ZNF37A: variants seen among roughly 807,000 people sequenced by gnomAD.
ZNF37A encodes zinc finger protein 37A.
Under a neutral mutation model 12.3 loss-of-function variants are expected in ZNF37A, and 10 were observed. That is an observed-to-expected ratio of 0.82 (90% CI 0.50 to 1.38). ZNF37A has a LOEUF of 1.38. Among genes scored for constraint, ZNF37A ranks in the 40% most tolerant of loss-of-function variants. The pLI, the probability that ZNF37A is intolerant of heterozygous loss-of-function variation, is 0.00. For synonymous variants in ZNF37A, 207 were observed against 223.0 expected (o/e 0.93, Z 0.64); for missense variants, 580 against 651.2 (o/e 0.89, Z 1.19).
chr10:38,109,981 GA>G (rs544550132), intron 5 of ZNF37A, among the ~76,000 whole-genome samples: 4 of 152,046 alleles, frequency 2.6e-5, no homozygotes, highest in African/African-American at 9.7e-5. Flanking sequence ...CACAGAATTA[GA>G]AAAAAACTAC....
At chr10:38,145,801 G>A (rs1239728975) in intron 7 of ZNF37A, among the ~76,000 whole-genome samples, 1 of 152,152 alleles carries the variant, frequency 6.6e-6, no homozygotes, top group Non-Finnish European at 1.5e-5. Flanking sequence ...CTCAAGAGGA[G>A]ACTAAAGACT....
chr10:38,150,086 TTTC>T (rs1209576402), exon 8 of ZNF37A: 6 of 152,302 alleles, frequency 3.9e-5, no homozygotes, highest in Non-Finnish European at 8.8e-5. Flanking sequence ...CACTTGCAAG[TTTC>T]TTCTTGTCTG....
chr10:38,145,263 A>G (rs1236933761), intron 7 of ZNF37A, among the ~76,000 whole-genome samples: 2 of 152,222 alleles, frequency 1.3e-5, no homozygotes, highest in Non-Finnish European at 2.9e-5. Flanking sequence ...CTATGGAAAT[A>G]GTTTTGACTC....
At position 38,117,306 on chromosome 10, in the gene ZNF37A, G is replaced by A. The variant is rs374788696; in HGVS notation, c.239-84G>A. The A allele has an allele frequency of 2.0e-5, 30 of 1,513,472 alleles. No individual in the cohort carries two copies. In the Admixed American group the frequency reaches 3.3e-4, roughly 17 times the overall value. The allele number at this position is 1,513,472 out of a possible 1,614,324, so 93.8% of individuals were successfully genotyped here. ...GTATGAGGAGATAATGGCCTAAACT[G>A]AGCCATGCCTTCAAATATAATGCTA... is the stretch of plus-strand genomic sequence containing the variant. On this transcript the variant is annotated intron_variant, in intron 7 of 7. Transcript: ENST00000685332.
rs1554926347 is a variant in ZNF37A, at chr10:38,105,007, C to CTTTCT, written c.15+8378_15+8379insCTTTT. Among the ~76,000 whole-genome samples the CTTTCT allele has an allele frequency of 5.5e-3, 770 of 139,578 alleles. 5 individuals carry two copies. Among genetic ancestry groups the CTTTCT allele is most frequent in the Middle Eastern group, 0.015 (4 of 266 alleles). The allele number at this position is 139,578 out of a possible 152,430, so 91.6% of individuals were successfully genotyped here. A position where few individuals can be genotyped will look rare whatever the true frequency, so the allele number is the denominator to read the frequency against. On this transcript the variant is annotated intron_variant, in intron 5 of 7. Coordinates refer to ENST00000685332, the MANE Select transcript of ZNF37A (RefSeq NM_001324250.3). ...TCCCTGTTTGCATCCAATATTTTTT[C>CTTTCT]TTTTTTTTTTTTTTTGAGATGGAGT...
In ZNF37A at chr10:38,094,472, C is replaced by T. The variant is rs1382452997; in HGVS notation, c.-510C>T. 1.3e-5 allele frequency: 2 copies of T among 151,162 alleles called. No homozygotes were observed. The highest frequency in any genetic ancestry group is 2.4e-5 in the African/African-American group (1 of 41,264). 9.4% of individuals were successfully genotyped at this position (151,162 alleles called of 1,614,324 possible). ...AGGGCTCCCGGCATCTCCTGGCGTC[C>T]GGGTAGAGGACGCGGAGGGTGAGTA... On this transcript the variant is annotated 5_prime_UTR_variant, in exon 1 of 8. Coordinates refer to ENST00000685332, the MANE Select transcript of ZNF37A (RefSeq NM_001324250.3).
chr10:38,098,182 T>C (rs2067298035), intron 5 of ZNF37A, among the ~76,000 whole-genome samples: 2 of 152,250 alleles, frequency 1.3e-5, no homozygotes, highest in Non-Finnish European at 2.9e-5. Flanking sequence ...TATTCTATTA[T>C]ATGGATATAC....
rs1440754313 is a variant in ZNF37A at position 38,119,828 on chromosome 10, G to GC, written c.*994dup. 1 of 152,144 alleles carries GC rather than the reference G, an allele frequency of 6.6e-6. No homozygotes were observed. The highest frequency in any genetic ancestry group is 2.4e-5 in the African/African-American group (1 of 41,432). 9.4% of individuals were successfully genotyped at this position (152,144 alleles called of 1,614,324 possible). On this transcript the variant is annotated 3_prime_UTR_variant, in exon 8 of 8. Coordinates refer to ENST00000685332, the MANE Select transcript of ZNF37A (RefSeq NM_001324250.3). The stretch of plus-strand genomic sequence containing the variant: ...ATCAATCAGGGGCCATAGTACAGGA[G>GC]CCCACCAGCAGGATTTTTGAATAAT...
chr10:38,128,235 A>G (rs1316513330), downstream of ZNF37A, among the ~76,000 whole-genome samples: 1 of 152,202 alleles, frequency 6.6e-6, no homozygotes, highest in Non-Finnish European at 1.5e-5. Context: ...GAGGGGGTTA[A>G]TATAATAGGA....
At chr10:38,102,063 C>G (rs530013876) in intron 5 of ZNF37A, among the ~76,000 whole-genome samples, 87 of 152,140 alleles carry the variant, frequency 5.7e-4, no homozygotes, top group African/African-American at 2.1e-3. Context: ...TCTCAAACTC[C>G]TGACCTCGTG....
intron 5 of ZNF37A, among the ~76,000 whole-genome samples, chr10:38,100,481 C>G (rs769330843): frequency 2.6e-5 from 4 of 152,168 alleles, no homozygotes; most frequent in Non-Finnish European, 5.9e-5. Flanking sequence ...TTCCCCCAGG[C>G]TTGTATTCTG....
At chr10:38,097,805 A>G (rs1189370421) in intron 5 of ZNF37A, among the ~76,000 whole-genome samples, 2 of 152,094 alleles carry the variant, frequency 1.3e-5, no homozygotes, top group East Asian at 1.9e-4. Flanking sequence ...TACACATCAC[A>G]TGAAATTCAC....
downstream of ZNF37A, among the ~76,000 whole-genome samples, chr10:38,128,596 T>C (rs1327374201): frequency 6.6e-6 from 1 of 152,220 alleles, no homozygotes; most frequent in African/African-American, 2.4e-5. Flanking sequence ...GTCATTTTTT[T>C]CCATATTTCT....
At chr10:38,105,192 A>ATG (rs2067957394) in intron 5 of ZNF37A, among the ~76,000 whole-genome samples, 1 of 151,938 alleles carries the variant, frequency 6.6e-6, no homozygotes, top group African/African-American at 2.4e-5. Flanking sequence ...TTTAGTAGAG[A>ATG]CAGGGTTTCT....
At chr10:38,134,409 C>T (rs914334197) in intron 7 of ZNF37A, among the ~76,000 whole-genome samples, 2 of 152,178 alleles carry the variant, frequency 1.3e-5, no homozygotes, top group African/African-American at 2.4e-5. Flanking sequence ...TCTGGTTTCT[C>T]CCCATCTTTG....
chr10:38,136,084 T>A (rs183741433), intron 7 of ZNF37A, among the ~76,000 whole-genome samples: 115 of 152,332 alleles, frequency 7.5e-4, no homozygotes, highest in African/African-American at 2.6e-3. Flanking sequence ...CATTTATATC[T>A]CATTCATGAG....
chr10:38,139,725 G>T (rs182540358), intron 7 of ZNF37A: 1 of 152,014 alleles, frequency 6.6e-6, no homozygotes, highest in Admixed American at 6.6e-5. Context: ...TGCATATTTC[G>T]TTTACTATTT....
rs943958869 is a variant in ZNF37A at position 38,121,085 on chromosome 10, C to T, written c.*2248C>T. On this transcript the variant is annotated 3_prime_UTR_variant, in exon 8 of 8. Coordinates refer to ENST00000685332, the MANE Select transcript of ZNF37A (RefSeq NM_001324250.3). ...AAAACTCTAGGAACAGATGGCTTCA[C>T]TGAAGTTATTCCAAATATTTAAGAA... The T allele has an allele frequency of 6.6e-6, 1 of 151,952 alleles. No homozygotes were observed. Among genetic ancestry groups the T allele is most frequent in the Non-Finnish European group, 1.5e-5 (1 of 68,014 alleles). 9.4% of individuals were successfully genotyped at this position (151,952 alleles called of 1,614,324 possible). A position where few individuals can be genotyped will look rare whatever the true frequency, so the allele number is the denominator to read the frequency against.
At position 38,101,207 on chromosome 10, in the gene ZNF37A, G is replaced by T. The variant is rs2067540579; in HGVS notation, c.15+4575G>T. On this transcript the variant is annotated intron_variant, in intron 5 of 7. Coordinates refer to ENST00000685332, the MANE Select transcript of ZNF37A (RefSeq NM_001324250.3). ...TATAGTCCAATTTATTTTTACTACT[G>T]TTGCCTGTGGTTTTTGGTATTATAT... 2.6e-5 allele frequency among the ~76,000 whole-genome samples: 4 copies of T among 152,018 alleles called. No homozygotes were observed. In the South Asian group the frequency reaches 8.3e-4, roughly 31 times the overall value.
Sources: allele counts gnomAD v4.1 joint callset (sites outside exome capture counted in the v4.1 genomes callset), GRCh38; gene constraint gnomAD v4.1.1; transcripts MANE v1.5; gene names NCBI Gene and HGNC (gene_info 2026-07-23, HGNC 2026-07-21).